The following PROSER1 variants were observed in gnomAD, a reference collection of about 807,000 sequenced individuals.
The protein encoded by PROSER1 is proline and serine-rich protein 1.
PROSER1 carries 36 observed loss-of-function variants against 71.8 expected under a neutral mutation model. The observed-to-expected ratio is 0.50, with a 90% CI of 0.38 to 0.66. The LOEUF (loss-of-function observed/expected upper bound fraction) is 0.66, where lower values mean the gene tolerates loss of function less well. Among genes scored for constraint, PROSER1 ranks in the 30% least tolerant of loss-of-function variants. PROSER1 has a pLI of 0.00. For missense variants in PROSER1, 1,107 were observed against 1,135.0 expected (o/e 0.98, Z 0.35); for synonymous variants, 490 against 452.4 (o/e 1.08, Z -1.06).
intron 5 of PROSER1, among the ~76,000 whole-genome samples, chr13:39,027,088 ATGTG>A (rs35072988): frequency 1.3e-5 from 2 of 151,880 alleles, no homozygotes; most frequent in Admixed American, 6.6e-5. Context: ...AGCTATACAT[ATGTG>A]TGTGTATATA....
chr13:39,036,080 G>C (rs1423595643), intron 1 of PROSER1, among the ~76,000 whole-genome samples: 1 of 152,040 alleles, frequency 6.6e-6, no homozygotes, highest in East Asian at 1.9e-4. Context: ...TGGTCTACTT[G>C]GACTCACCAA....
intron 8 of PROSER1, chr13:39,022,659 G>C: frequency 2.3e-6 from 1 of 441,218 alleles, no homozygotes; most frequent in East Asian, 3.6e-5. Flanking sequence ...TCAGTGAATG[G>C]CATGGCAGGC....
rs1349626703 is a variant in PROSER1, at chr13:39,012,101, C to A, written c.2694G>T (p.Gln898His). Residue 898 changes from glutamine (Q) to histidine (H), a missense_variant, in exon 12 of 13, where the codon CAG becomes CAT. Coordinates refer to ENST00000352251, the MANE Select transcript of PROSER1 (RefSeq NM_025138.5). ...TGCTTACCTGCTGTAACAATGCTGA[C>A]TGCGCAGCCGCATTATGCTGTAATT... ...LQELQHNAAA[Q>H]SALLQQVHSA... 3 of 1,613,864 alleles carry A rather than the reference C, an allele frequency of 1.9e-6. No homozygotes were observed. The Admixed American group carries it at 5.0e-5, about 27-fold the overall frequency.
In PROSER1 at chr13:39,037,586, G is replaced by A. The variant is rs536121238; in HGVS notation, c.-344C>T. On this transcript the variant is annotated 5_prime_UTR_variant, in exon 1 of 13. Transcript: ENST00000352251. ...CGGCAGGTTTGAGTGCGGTTTCCCT[G>A]CAGCTGAGGGCCAGGTGCCGCCAGA... The A allele has an allele frequency of 4.6e-6, 1 of 218,442 alleles. No individual in the cohort carries two copies. The highest frequency in any genetic ancestry group is 5.6e-5 in the Admixed American group (1 of 17,780). The allele number at this position is 218,442 out of a possible 1,614,324, so 13.5% of individuals were successfully genotyped here.
intron 9 of PROSER1, 59 bp downstream of exon 9, chr13:39,022,267 T>C: frequency 8.9e-7 from 1 of 1,129,758 alleles, no homozygotes; most frequent in Admixed American, 1.7e-5. Flanking sequence ...CAACTGTCCG[T>C]TCCAAGTGTA....
At chr13:39,023,195 T>A in intron 7 of PROSER1, 65 bp from the exon 8 acceptor site, 1 of 1,228,862 alleles carries the variant, frequency 8.1e-7, no homozygotes, top group Non-Finnish European at 1.2e-6. Flanking sequence ...TGGCAACTTG[T>A]CTTTCAAAAT....
intron 1 of PROSER1, among the ~76,000 whole-genome samples, chr13:39,034,609 C>T (rs960916188): frequency 6.6e-6 from 1 of 152,160 alleles, no homozygotes; most frequent in Non-Finnish European, 1.5e-5. Context: ...TGAATATCTA[C>T]TATGTGCTAA....
intron 2 of PROSER1, among the ~76,000 whole-genome samples, chr13:39,033,744 CAT>C (rs1870967660): frequency 6.6e-6 from 1 of 152,294 alleles, no homozygotes; most frequent in Non-Finnish European, 1.5e-5. Flanking sequence ...CATATAAAAA[CAT>C]ATTTCATTAT....
At chr13:39,024,915 T>C (rs1400725538) in intron 6 of PROSER1, among the ~76,000 whole-genome samples, 1 of 152,226 alleles carries the variant, frequency 6.6e-6, no homozygotes, top group Non-Finnish European at 1.5e-5. Flanking sequence ...AGTATTTGCA[T>C]ATAACCTGAA....
chr13:39,015,648 C>T (rs1482210944), intron 10 of PROSER1, among the ~76,000 whole-genome samples: 3 of 151,718 alleles, frequency 2.0e-5, no homozygotes, highest in Non-Finnish European at 2.9e-5. Flanking sequence ...TATGTGAAGG[C>T]CAAGGGGTGT....
rs752806910 is a variant in PROSER1, at chr13:39,022,425, C to T, written c.644-13G>A. 3 of 1,591,234 alleles carry T rather than the reference C, an allele frequency of 1.9e-6. No homozygotes were observed. The highest frequency in any genetic ancestry group is 3.3e-5 in the Admixed American group (2 of 59,906). On this transcript the variant is annotated splice_polypyrimidine_tract_variant and intron_variant, in intron 8 of 12. Transcript: ENST00000352251. Reference sequence around the variant, plus strand: ...TTGTTATAAGCACCTAAAATAAAAACACAATAGAAAAAAATATACCTTAGG... The same window carrying T: ...TTGTTATAAGCACCTAAAATAAAAATACAATAGAAAAAAATATACCTTAGG...
At position 39,037,271 on chromosome 13, in the gene PROSER1, C is replaced by G. The variant is rs1871161177; in HGVS notation, c.-29G>C. ...GACTACTATCCCGACGTGGTTTTAA[C>G]AGTTATACTTGCAATTAAAAGACGT... is the stretch of plus-strand genomic sequence containing the variant. On this transcript the variant is annotated 5_prime_UTR_variant, in exon 1 of 13. Coordinates refer to ENST00000352251, the MANE Select transcript of PROSER1 (RefSeq NM_025138.5). 1.3e-6 allele frequency: 2 copies of G among 1,558,184 alleles called. No homozygotes were observed. Among genetic ancestry groups the G allele is most frequent in the Non-Finnish European group, 1.8e-6 (2 of 1,129,084 alleles).
At chr13:39,022,504 C>T in intron 8 of PROSER1, 92 bp from the exon 9 acceptor site, 2 of 796,180 alleles carry the variant, frequency 2.5e-6, no homozygotes, top group South Asian at 1.5e-5. Flanking sequence ...TATATTAATG[C>T]AGCTATTCAA....
chr13:39,017,396 T>C, intron 10 of PROSER1, 104 bp downstream of exon 10: 1 of 764,256 alleles, frequency 1.3e-6, no homozygotes. Context: ...CCAGAAACTT[T>C]TCCTAAAACA....
At chr13:39,023,620 T>C (rs1870406489) in intron 7 of PROSER1, 1 of 153,346 alleles carries the variant, frequency 6.5e-6, no homozygotes, top group Admixed American at 6.5e-5. Flanking sequence ...GCATTTGGCA[T>C]TCTGACAACT....
intron 7 of PROSER1, chr13:39,023,551 C>T (rs1182342810): frequency 1.3e-5 from 2 of 155,604 alleles, no homozygotes; most frequent in Non-Finnish European, 2.8e-5. Context: ...GATAGGAATT[C>T]ATCCTCTCAT....
chr13:39,028,261 G>T lies in PROSER1; in HGVS notation c.335C>A (p.Ser112Tyr). The T allele has an allele frequency of 6.3e-7, 1 of 1,596,134 alleles. No individual in the cohort carries two copies. Among genetic ancestry groups the T allele is most frequent in the Non-Finnish European group, 8.6e-7 (1 of 1,164,732 alleles). The change falls in exon 5 of 13, where the codon TCT becomes TAT. Residue 112 changes from serine to tyrosine, a missense_variant. Coordinates refer to ENST00000352251, the MANE Select transcript of PROSER1 (RefSeq NM_025138.5). ...PIEDLFRVNM[S>Y]EKKRCKRILE... Reference sequence around the variant, plus strand: ...TATTCTCTTGCACCGTTTCTTCTCAGACATATTTACCCTGAATAAATCTTC... The same window carrying T: ...TATTCTCTTGCACCGTTTCTTCTCATACATATTTACCCTGAATAAATCTTC...
chr13:39,026,367 T>A lies in PROSER1; in HGVS notation c.390A>T (p.Lys130Asn). 2 of 1,610,780 alleles carry A rather than the reference T, an allele frequency of 1.2e-6. No individual in the cohort carries two copies. Among genetic ancestry groups the A allele is most frequent in the Non-Finnish European group, 8.5e-7 (1 of 1,178,902 alleles). ...AAGAAGATATCATAGCATGAGGAGC[T>A]TTGCAGCCCCCCTTGAAAGCCTGTA... is the stretch of plus-strand genomic sequence containing the variant. Reference protein sequence around the residue: ...ILEQAFKGGCKAPHAMISSCG... With the variant: ...ILEQAFKGGCNAPHAMISSCG... The change falls in exon 6 of 13, where the codon AAA (lysine) becomes AAT (asparagine). Residue 130 changes from lysine to asparagine, a missense_variant. Transcript: ENST00000352251.
intron 9 of PROSER1, 35 bp from the exon 10 acceptor site, chr13:39,017,579 TTAATC>T (rs1566023576): frequency 1.8e-6 from 2 of 1,135,676 alleles, no homozygotes; most frequent in South Asian, 1.4e-5. Flanking sequence ...ATTTTAAACT[TTAATC>T]AAATATTTGC....
Sources: gnomAD v4.1 joint callset for allele counts (sites outside exome capture counted in the v4.1 genomes callset) on GRCh38, gnomAD v4.1.1 for gene constraint, MANE v1.5 for transcripts, NCBI Gene and HGNC (gene_info 2026-07-23, HGNC 2026-07-21) for gene names.